Variants in CDK19 observed in about 807,000 individuals in gnomAD.
The protein encoded by CDK19 is cyclin-dependent kinase 19.
CDK19 carries 20 observed loss-of-function variants against 68.3 expected under a neutral mutation model. The observed-to-expected ratio is 0.29, with a 90% confidence interval of 0.21 to 0.43. The LOEUF is 0.43. Ranked by LOEUF, CDK19 falls within the 20% of genes least tolerant of loss-of-function variation. CDK19 has a pLI of 1.00. For missense variants in CDK19, 339 were observed against 623.5 expected (o/e 0.54, Z 4.86); for synonymous variants, 221 against 222.8 (o/e 0.99, Z 0.07).
intron 2 of CDK19, among the ~76,000 whole-genome samples, chr6:110,730,685 A>C (rs1335756177): frequency 3.9e-5 from 6 of 152,242 alleles, no homozygotes; most frequent in Admixed American, 3.9e-4. Context: ...CTTCTGAGGC[A>C]TCTTTGAACC....
At chr6:110,628,406 G>T (rs1752851327) in intron 6 of CDK19, among the ~76,000 whole-genome samples, 1 of 152,114 alleles carries the variant, frequency 6.6e-6, no homozygotes, top group South Asian at 2.1e-4. Context: ...ATATTAAATG[G>T]AAAATTCCAG....
intron 1 of CDK19, among the ~76,000 whole-genome samples, chr6:110,775,456 CAA>C (rs1780334208): frequency 6.6e-6 from 1 of 151,980 alleles, no homozygotes; most frequent in Admixed American, 6.6e-5. Flanking sequence ...ATTCTAGTGG[CAA>C]AATTTAATTT....
chr6:110,638,829 T>C (rs1318067739), intron 4 of CDK19, 123 bp from the exon 5 acceptor site: 2 of 641,456 alleles, frequency 3.1e-6, no homozygotes, highest in Non-Finnish European at 5.5e-6. Context: ...AAATCAAATA[T>C]TAAGCACCCT....
At chr6:110,716,129 T>C (rs1291749924) in intron 2 of CDK19, among the ~76,000 whole-genome samples, 1 of 152,172 alleles carries the variant, frequency 6.6e-6, no homozygotes, top group Non-Finnish European at 1.5e-5. Flanking sequence ...TAAAATAAGA[T>C]AATTAATTTA....
intron 1 of CDK19, among the ~76,000 whole-genome samples, chr6:110,796,591 G>A (rs186032809): frequency 2.5e-4 from 38 of 152,156 alleles, no homozygotes; most frequent in Non-Finnish European, 4.6e-4. Context: ...AGAGGTTGCG[G>A]TGAGCTGAGA....
intron 4 of CDK19, among the ~76,000 whole-genome samples, chr6:110,647,115 C>G (rs949261274): frequency 5.3e-5 from 8 of 152,212 alleles, no homozygotes; most frequent in Admixed American, 5.2e-4. Flanking sequence ...CCTCTATCAC[C>G]CCCAAAGGAA....
chr6:110,681,206 C>T lies in CDK19; in HGVS notation c.205-10665G>A, dbSNP rs898623459. Among the ~76,000 whole-genome samples, 2 of 151,118 alleles carry T rather than the reference C, an allele frequency of 1.3e-5. 1 individual carries two copies. Among genetic ancestry groups the T allele is most frequent in the East Asian group, 3.9e-4 (2 of 5,074 alleles). On this transcript the variant is annotated intron_variant, in intron 2 of 12. Transcript: ENST00000368911. Reference sequence around the variant, plus strand: ...ACTAAAAATACAAAAATCAGCCGAGCGTGGTACCGCATGCCTGTAGTCCCA... The same window carrying T: ...ACTAAAAATACAAAAATCAGCCGAGTGTGGTACCGCATGCCTGTAGTCCCA...
chr6:110,706,410 T>TTG (rs1774491218), intron 2 of CDK19: 1 of 84,950 alleles, frequency 1.2e-5, no homozygotes, highest in Admixed American at 1.2e-4. Flanking sequence ...TGTTGTTTTT[T>TTG]TTTTGTTTGT....
At chr6:110,733,121 C>A (rs1776887207) in intron 2 of CDK19, among the ~76,000 whole-genome samples, 1 of 152,158 alleles carries the variant, frequency 6.6e-6, no homozygotes, top group South Asian at 2.1e-4. Flanking sequence ...CTCCTGCCCA[C>A]CCAAGGCAAT....
At position 110,646,095 on chromosome 6, in the gene CDK19, C is replaced by G. The variant is rs562859291; in HGVS notation, c.457-7389G>C. ...CGACCTGCTGCAGTTTGTGGCTAAG[C>G]AAGGCACCTCCTTCGAGGTGATTCT... On this transcript the variant is annotated intron_variant, in intron 4 of 12. Transcript: ENST00000368911. The G allele has an allele frequency of 4.7e-5, 41 of 869,306 alleles. No homozygotes were observed. In the East Asian group the frequency reaches 1.1e-3, roughly 23 times the overall value. The allele number at this position is 869,306 out of a possible 1,614,324, so 53.8% of individuals were successfully genotyped here. A position where few individuals can be genotyped will look rare whatever the true frequency, so the allele number is the denominator to read the frequency against.
intron 12 of CDK19, among the ~76,000 whole-genome samples, 197 bp from the exon 13 acceptor site, chr6:110,614,863 T>C (rs1778211675): frequency 6.6e-6 from 1 of 152,184 alleles, no homozygotes; most frequent in Non-Finnish European, 1.5e-5. Flanking sequence ...AACCACACAT[T>C]CTGGCAGGCA....
chr6:110,614,715 G>T, intron 12 of CDK19, 49 bp from the exon 13 acceptor site: 4 of 1,595,320 alleles, frequency 2.5e-6, no homozygotes, highest in South Asian at 2.2e-5. Flanking sequence ...GGAAGAGGAT[G>T]ACTCAAGATG....
At chr6:110,651,232 ACTAT>A (rs61558536) in intron 4 of CDK19, among the ~76,000 whole-genome samples, 5,644 of 149,904 alleles carry the variant, frequency 0.038, 285 homozygotes, top group African/African-American at 0.12. Flanking sequence ...AAATAGATCT[ACTAT>A]CTATCTATCT....
At chr6:110,639,979 G>C (rs762239404) in intron 4 of CDK19, among the ~76,000 whole-genome samples, 7 of 152,144 alleles carry the variant, frequency 4.6e-5, no homozygotes, top group African/African-American at 1.7e-4. Context: ...TTGGGAGACC[G>C]AGGCGGGAGA....
At chr6:110,792,294 T>C (rs1235180663) in intron 1 of CDK19, among the ~76,000 whole-genome samples, 1 of 152,078 alleles carries the variant, frequency 6.6e-6, no homozygotes, top group Non-Finnish European at 1.5e-5. Flanking sequence ...TAATTTAATT[T>C]GAGAAAAGAT....
At chr6:110,658,017 A>G (rs918589252) in intron 4 of CDK19, among the ~76,000 whole-genome samples, 1 of 152,208 alleles carries the variant, frequency 6.6e-6, no homozygotes, top group African/African-American at 2.4e-5. Flanking sequence ...CCAAAAAGAA[A>G]AATCATAGCC....
chr6:110,763,414 G>GTTTTTT (rs1171650120), intron 1 of CDK19, among the ~76,000 whole-genome samples: 1 of 120,008 alleles, frequency 8.3e-6, no homozygotes, highest in Admixed American at 8.6e-5. Context: ...CTCTTATTAT[G>GTTTTTT]TTTTTTTTTT....
intron 6 of CDK19, among the ~76,000 whole-genome samples, chr6:110,629,336 T>C (rs560098532): frequency 2.2e-4 from 33 of 152,292 alleles, no homozygotes; most frequent in African/African-American, 7.9e-4. Context: ...CAATGATTTG[T>C]TCTCCTGACA....
At chr6:110,762,074 G>T (rs996535141) in intron 1 of CDK19, among the ~76,000 whole-genome samples, 1 of 152,106 alleles carries the variant, frequency 6.6e-6, no homozygotes, top group Non-Finnish European at 1.5e-5. Flanking sequence ...AAGGTTCTGT[G>T]ATCTACTTTC....
Sources: allele counts gnomAD v4.1 joint callset (sites outside exome capture counted in the v4.1 genomes callset), GRCh38; gene constraint gnomAD v4.1.1; transcripts MANE v1.5; gene names NCBI Gene and HGNC (gene_info 2026-07-23, HGNC 2026-07-21).